The following SZT2 variants were observed in gnomAD, a reference collection of about 807,000 sequenced individuals.
SZT2 encodes KICSTOR complex protein SZT2.
In SZT2, 216 loss-of-function variants were observed where a neutral mutation model predicts 404.2. That is an observed-to-expected ratio of 0.53 (90% CI 0.48 to 0.60). The LOEUF is 0.60. SZT2 is among the 20% of genes least tolerant of loss of function. The pLI, the probability that SZT2 is intolerant of heterozygous loss-of-function variation, is 0.00. For missense variants in SZT2, 3,857 were observed against 4,459.2 expected (o/e 0.86, Z 3.85); for synonymous variants, 1,693 against 1,749.9 (o/e 0.97, Z 0.81).
intron 46 of SZT2, chr1:43,438,339 T>C (rs1184840540): frequency 8.7e-6 from 3 of 344,966 alleles, no homozygotes; most frequent in South Asian, 2.6e-5. Context: ...AGGTGTCCAG[T>C]AGGCAACTGG....
intron 4 of SZT2, among the ~76,000 whole-genome samples, chr1:43,414,603 A>C (rs1314117900): frequency 6.6e-6 from 1 of 152,080 alleles, no homozygotes; most frequent in Admixed American, 6.5e-5. Flanking sequence ...GTAAAATTGA[A>C]AAGGTCCAGA....
intron 52 of SZT2, 114 bp downstream of exon 52, chr1:43,440,700 A>G (rs937128122): frequency 3.7e-6 from 5 of 1,363,742 alleles, no homozygotes; most frequent in African/African-American, 3.0e-5. Context: ...GTCCTTTCAT[A>G]TAAAACTGCT....
At chr1:43,397,851 C>A (rs924755348) in intron 1 of SZT2, among the ~76,000 whole-genome samples, 10 of 152,102 alleles carry the variant, frequency 6.6e-5, no homozygotes, top group Non-Finnish European at 7.3e-5. Flanking sequence ...TAATTATAAA[C>A]TCTGGCAGGT....
In SZT2 at chr1:43,453,401, G is replaced by T; in HGVS notation, c.*2921G>T. The T allele has an allele frequency of 6.4e-7, 1 of 1,555,450 alleles. No homozygotes were observed. The highest frequency in any genetic ancestry group is 8.7e-7 in the Non-Finnish European group (1 of 1,148,680). ...AGCGGGGTACCTGGGACAGCCCAGG[G>T]CTTTGGCATACCGCACGGCCTGCTC... On this transcript the variant is annotated 3_prime_UTR_variant, in exon 72 of 72. Transcript: ENST00000634258.
intron 1 of SZT2, among the ~76,000 whole-genome samples, chr1:43,391,139 A>G (rs1648260383): frequency 6.6e-6 from 1 of 152,152 alleles, no homozygotes; most frequent in South Asian, 2.1e-4. Flanking sequence ...ACATGGAGAA[A>G]GCCTGTCTGT....
At position 43,446,420 on chromosome 1, in the gene SZT2, T is replaced by C. The variant is rs770944819; in HGVS notation, c.9072+4T>C. 1.4e-5 allele frequency: 23 copies of C among 1,614,258 alleles called. No individual in the cohort carries two copies. In the East Asian group the frequency reaches 5.1e-4, roughly 36 times the overall value. On this transcript the variant is annotated splice_donor_region_variant and intron_variant, in intron 65 of 71. Transcript: ENST00000634258. ...GGGGCAGGCTGTCAACTCACAGGTATGTGAATGAGCTGCGGGCACAGTCAG... is the reference window on the plus strand; with the variant it reads ...GGGGCAGGCTGTCAACTCACAGGTACGTGAATGAGCTGCGGGCACAGTCAG...
rs780965558 is a variant in SZT2, at chr1:43,422,194, C to T, written c.1738C>T (p.His580Tyr). The T allele has an allele frequency of 6.3e-7, 1 of 1,595,502 alleles. No individual in the cohort carries two copies. ...ANSWQRWLHMHRLVLILEHDT... is the reference protein window; with the variant it reads ...ANSWQRWLHMYRLVLILEHDT... The stretch of plus-strand genomic sequence containing the variant: ...TTCCTGGCAGCGATGGCTGCACATG[C>T]ATCGCCTGGTGCTAATCCTGGAGCA... Residue 580 changes from histidine (H) to tyrosine (Y), a missense_variant, in exon 12 of 72, where the codon CAT becomes TAT. Transcript: ENST00000634258.
intron 65 of SZT2, 127 bp downstream of exon 65, chr1:43,446,543 C>T: frequency 8.8e-7 from 1 of 1,136,754 alleles, no homozygotes; most frequent in South Asian, 1.4e-5. Context: ...TGATTCACTG[C>T]TATGGCCTGG....
rs1325243570 is a variant in SZT2 at position 43,429,864 on chromosome 1, G to T, written c.4308+20G>T. ...ATCCAGGTGGGAAGCTTGGGTGAGG[G>T]TAGAAGAGGTGTTAGAGTCCTGCCT... is the stretch of plus-strand genomic sequence containing the variant. On this transcript the variant is annotated intron_variant, in intron 29 of 71. Transcript: ENST00000634258. The T allele has an allele frequency of 6.2e-7, 1 of 1,613,926 alleles. No homozygotes were observed. The highest frequency in any genetic ancestry group is 8.5e-7 in the Non-Finnish European group (1 of 1,180,002).
Position 43,430,668 on chromosome 1 carries a change from A to G in SZT2, c.4653A>G (p.Ser1551=), listed in dbSNP as rs893837859. The G allele has an allele frequency of 6.2e-7, 1 of 1,613,874 alleles. No individual in the cohort carries two copies. Among genetic ancestry groups the G allele is most frequent in the African/African-American group, 1.3e-5 (1 of 74,854 alleles). The change falls in exon 32 of 72, where the codon TCA becomes TCG. Residue 1551 remains serine, a synonymous_variant. Coordinates refer to ENST00000634258, the MANE Select transcript of SZT2 (RefSeq NM_001365999.1). Reference sequence around the variant, plus strand: ...CCTTCAGTATCTTGGGGGGCGACTCACCCACTGGGCCTGAGAGCTTCCTTC... The same window carrying G: ...CCTTCAGTATCTTGGGGGGCGACTCGCCCACTGGGCCTGAGAGCTTCCTTC... ...EDSFSILGGD[S]PTGPESFLHD...
chr1:43,397,252 C>G (rs572858844), intron 1 of SZT2, among the ~76,000 whole-genome samples: 1 of 151,880 alleles, frequency 6.6e-6, no homozygotes, highest in South Asian at 2.1e-4. Flanking sequence ...CATGGCAAAA[C>G]CCTGTCTCTA....
At chr1:43,396,278 G>A (rs550607597) in intron 1 of SZT2, among the ~76,000 whole-genome samples, 104 of 152,302 alleles carry the variant, frequency 6.8e-4, no homozygotes, top group African/African-American at 2.5e-3. Context: ...AGAACCCAAA[G>A]ATGTTTGTTT....
chr1:43,453,798 G>A lies in SZT2; in HGVS notation c.*3318G>A. On this transcript the variant is annotated 3_prime_UTR_variant, in exon 72 of 72. Coordinates refer to ENST00000634258, the MANE Select transcript of SZT2 (RefSeq NM_001365999.1). The stretch of plus-strand genomic sequence containing the variant: ...GGAGAAGCGCAGCGGCGCCATGCCT[G>A]GGGAGGCCGGGCCGGGCGGAGTCCG... The A allele has an allele frequency of 7.9e-7, 1 of 1,265,036 alleles. No individual in the cohort carries two copies. The highest frequency in any genetic ancestry group is 9.9e-7 in the Non-Finnish European group (1 of 1,007,934). The allele number at this position is 1,265,036 out of a possible 1,614,324, so 78.4% of individuals were successfully genotyped here.
At position 43,424,672 on chromosome 1, in the gene SZT2, G is replaced by T; in HGVS notation, c.2472-112G>T. The T allele has an allele frequency of 1.0e-6, 1 of 981,404 alleles. No homozygotes were observed. The highest frequency in any genetic ancestry group is 1.6e-6 in the Non-Finnish European group (1 of 640,640). 60.8% of individuals were successfully genotyped at this position (981,404 alleles called of 1,614,324 possible). On this transcript the variant is annotated intron_variant, in intron 16 of 71. Coordinates refer to ENST00000634258, the MANE Select transcript of SZT2 (RefSeq NM_001365999.1). This position sits in a 1 kb window ranked among gnomAD's most constrained non-coding sequence, Gnocchi z 4.1. Reference sequence around the variant, plus strand: ...GCCAGTCTAAGCAGGGCCAGCAGCAGACTTGGCTCCTTGAGGACTGCTGGG... The same window carrying T: ...GCCAGTCTAAGCAGGGCCAGCAGCATACTTGGCTCCTTGAGGACTGCTGGG...
chr1:43,426,181 C>T lies in SZT2; in HGVS notation c.3043+30C>T, dbSNP rs779497203. ...GTGAACCTGGTACCCTTTCACCCCA[C>T]ACCTAAAGGGCCAGCAAGCCTGGAA... is the stretch of plus-strand genomic sequence containing the variant. On this transcript the variant is annotated intron_variant, in intron 21 of 71. Coordinates refer to ENST00000634258, the MANE Select transcript of SZT2 (RefSeq NM_001365999.1). This position sits in a 1 kb window ranked among gnomAD's most constrained non-coding sequence, Gnocchi z 4.9. The T allele has an allele frequency of 1.1e-5, 17 of 1,605,000 alleles. No homozygotes were observed. The African/African-American group carries it at 2.1e-4, about 20-fold the overall frequency.
chr1:43,443,776 G>GC lies in SZT2; in HGVS notation c.8811dup (p.Ser2938LeufsTer27), dbSNP rs745420974. 7 of 1,613,568 alleles carry GC rather than the reference G, an allele frequency of 4.3e-6. No individual in the cohort carries two copies. Among genetic ancestry groups the GC allele is most frequent in the South Asian group, 1.1e-5 (1 of 91,054 alleles). On this transcript the variant is annotated frameshift_variant, in exon 62 of 72. Transcript: ENST00000634258. LOFTEE classifies it high-confidence loss of function. The stretch of plus-strand genomic sequence containing the variant: ...TAGGTTTTGTGCTGGTACCACTGCG[G>GC]CCCCCCTCACCCGCCCGCAGGTGAG...
chr1:43,440,475 G>C lies in SZT2; in HGVS notation c.7233G>C (p.Leu2411Phe). The change falls in exon 52 of 72, where the codon TTG becomes TTC. Residue 2411 changes from leucine (L) to phenylalanine (F), a missense_variant. By Grantham distance (22) the Leu-to-Phe change is conservative. This residue lies in a region of SZT2 where 573 missense variants were observed against 592.4 expected (regional missense o/e 0.97). Coordinates refer to ENST00000634258, the MANE Select transcript of SZT2 (RefSeq NM_001365999.1). ...CAGGAAGTCTCAGGAACGGATCGTT[G>C]GAAACTAAGAGCTCTGCAGGCCGAG... Reference protein sequence around the residue: ...TPTGSLRNGSLETKSSAGRAS... With the variant: ...TPTGSLRNGSFETKSSAGRAS... The C allele has an allele frequency of 3.1e-6, 5 of 1,602,066 alleles. 1 individual carries two copies. The highest frequency in any genetic ancestry group is 3.5e-5 in the Admixed American group (2 of 57,756).
chr1:43,424,727 TCTC>T lies in SZT2; in HGVS notation c.2472-56_2472-54del, dbSNP rs1388034434. 6.2e-6 allele frequency: 9 copies of T among 1,455,238 alleles called. No homozygotes were observed. Among genetic ancestry groups the T allele is most frequent in the Admixed American group, 1.7e-5 (1 of 59,068 alleles). The allele number at this position is 1,455,238 out of a possible 1,614,324, so 90.1% of individuals were successfully genotyped here. A position where few individuals can be genotyped will look rare whatever the true frequency, so the allele number is the denominator to read the frequency against. ...GGGTGTATGTGGGGAGAGCTTGTAG[TCTC>T]AGTGTCTCTTCTTCCCTTATCCTGG... On this transcript the variant is annotated intron_variant, in intron 16 of 71. Coordinates refer to ENST00000634258, the MANE Select transcript of SZT2 (RefSeq NM_001365999.1). This position sits in a 1 kb window ranked among gnomAD's most constrained non-coding sequence, Gnocchi z 4.1.
chr1:43,447,291 C>A, intron 66 of SZT2, 123 bp downstream of exon 66: 1 of 1,188,402 alleles, frequency 8.4e-7, no homozygotes. Context: ...TCTCATGTCA[C>A]ACATACCACG....
Sources: allele counts gnomAD v4.1 joint callset (sites outside exome capture counted in the v4.1 genomes callset), GRCh38; gene constraint gnomAD v4.1.1; regional missense constraint gnomAD v4.1.1; non-coding constraint Gnocchi (gnomAD v3.1); transcripts MANE v1.5; gene names NCBI Gene and HGNC (gene_info 2026-07-23, HGNC 2026-07-21).